Variants in DIP2A observed in about 807,000 individuals in gnomAD.
DIP2A encodes the protein DIP2 acetate--CoA ligase A.
A neutral mutation model predicts 177.4 loss-of-function variants in DIP2A; 85 were observed. That is an observed-to-expected ratio of 0.48 (90% CI 0.40 to 0.57). The LOEUF is 0.57. Among genes scored for constraint, DIP2A ranks in the 20% least tolerant of loss-of-function variants. The pLI, the probability that DIP2A is intolerant of heterozygous loss-of-function variation, is 0.00. For missense variants in DIP2A, 1,791 were observed against 2,100.2 expected, an observed-to-expected ratio of 0.85 and a Z score of 2.88; for synonymous variants, 886 against 881.8, an observed-to-expected ratio of 1.00 and a Z score of -0.08.
intron 34 of DIP2A, among the ~76,000 whole-genome samples, chr21:46,562,638 A>G (rs985172960): frequency 6.6e-6 from 1 of 152,176 alleles, no homozygotes; most frequent in African/African-American, 2.4e-5. Flanking sequence ...GGTGGGAGCT[A>G]CAGGGAGGCC....
At chr21:46,573,645 C>CAAAAAAA (rs201994694), downstream of DIP2A, among the ~76,000 whole-genome samples, 87 of 52,966 alleles carry the variant, frequency 1.6e-3, 7 homozygotes, top group Non-Finnish European at 1.9e-3. Context: ...CCCTCTCTCA[C>CAAAAAAA]AAAAAAAAAA....
chr21:46,565,253 G>T (rs1376949385), intron 35 of DIP2A, among the ~76,000 whole-genome samples: 2 of 152,232 alleles, frequency 1.3e-5, no homozygotes, highest in African/African-American at 2.4e-5. Context: ...CACGCGCGTG[G>T]GGCTGACGTT....
chr21:46,564,053 T>C, intron 35 of DIP2A, 121 bp downstream of exon 35: 1 of 1,200,018 alleles, frequency 8.3e-7, no homozygotes, highest in Admixed American at 2.4e-5. Context: ...CAGAAACCAT[T>C]TGGCCCTTGC....
At chr21:46,506,739 TC>T (rs2058013994) in intron 6 of DIP2A, among the ~76,000 whole-genome samples, 1 of 78,512 alleles carries the variant, frequency 1.3e-5, no homozygotes, top group African/African-American at 3.6e-5. Context: ...TTTCTTTCTT[TC>T]TTTCTTTCTT....
At chr21:46,471,776 C>T (rs1358359305) in intron 1 of DIP2A, among the ~76,000 whole-genome samples, 1 of 152,182 alleles carries the variant, frequency 6.6e-6, no homozygotes, top group African/African-American at 2.4e-5. Context: ...TTCTTGAAGG[C>T]AGCAGCTAAA....
At chr21:46,559,338 C>T (rs2060588170) in intron 32 of DIP2A, among the ~76,000 whole-genome samples, 1 of 152,244 alleles carries the variant, frequency 6.6e-6, no homozygotes, top group Admixed American at 6.5e-5. Flanking sequence ...AAGGAAATGG[C>T]ACCTGTCCGT....
chr21:46,548,633 T>G (rs527430472), intron 21 of DIP2A, among the ~76,000 whole-genome samples: 44 of 152,268 alleles, frequency 2.9e-4, no homozygotes, highest in Non-Finnish European at 5.7e-4. Context: ...GAAAGTCAGA[T>G]TAGGGAACTA....
At position 46,565,726 on chromosome 21, in the gene DIP2A, G is replaced by A. The variant is rs2060816010; in HGVS notation, c.4178G>A (p.Ser1393Asn). 2 of 1,613,102 alleles carry A rather than the reference G, an allele frequency of 1.2e-6. No homozygotes were observed. The highest frequency in any genetic ancestry group is 1.7e-6 in the Non-Finnish European group (2 of 1,179,572). The stretch of plus-strand genomic sequence containing the variant: ...TGGGCCCACCAGATCTGGGTAAGCA[G>A]CCCCCACAATGCCACCGGGTACTAC... ...DSHLGEIWVSSPHNATGYYTV... is the reference protein window; with the variant it reads ...DSHLGEIWVSNPHNATGYYTV... Residue 1393 changes from serine to asparagine, a missense_variant, in exon 36 of 38, where the codon AGC becomes AAC. By Grantham distance (46) the Ser-to-Asn change is conservative. Transcript: ENST00000417564.
chr21:46,506,904 A>T (rs2058043565), intron 6 of DIP2A, among the ~76,000 whole-genome samples: 1 of 147,726 alleles, frequency 6.8e-6, no homozygotes. Flanking sequence ...AGGTTCAAGC[A>T]ATTCTCCTGC....
Position 46,568,010 on chromosome 21 carries a change from C to G in DIP2A, c.*388C>G, listed in dbSNP as rs2060883599. 6.0e-6 allele frequency: 1 copy of G among 167,444 alleles called. No individual in the cohort carries two copies. Among genetic ancestry groups the G allele is most frequent in the East Asian group, 1.7e-4 (1 of 5,914 alleles). 10.4% of individuals were successfully genotyped at this position (167,444 alleles called of 1,614,324 possible). A position where few individuals can be genotyped will look rare whatever the true frequency, so the allele number is the denominator to read the frequency against. On this transcript the variant is annotated 3_prime_UTR_variant, in exon 38 of 38. Transcript: ENST00000417564. ...AAAATTCAGTTATTTATTCCCACTT[C>G]AAATGACAAGTTCATATATAGAATT... is the stretch of plus-strand genomic sequence containing the variant.
At chr21:46,490,814 A>G (rs2056971052) in intron 3 of DIP2A, 95 bp downstream of exon 3, 1 of 1,391,482 alleles carries the variant, frequency 7.2e-7, no homozygotes, top group South Asian at 1.5e-5. Context: ...CTTTGCCACA[A>G]TATCTGCCAA....
rs1182008443 is a variant in DIP2A at position 46,567,778 on chromosome 21, C to T, written c.*156C>T. The T allele has an allele frequency of 4.8e-6, 4 of 825,526 alleles. No homozygotes were observed. Among genetic ancestry groups the T allele is most frequent in the Admixed American group, 3.4e-5 (1 of 29,484 alleles). The allele number at this position is 825,526 out of a possible 1,614,324, so 51.1% of individuals were successfully genotyped here. On this transcript the variant is annotated 3_prime_UTR_variant, in exon 38 of 38. Transcript: ENST00000417564. ...TCCCCGCATCTCCTTTTAGAAAGCACTTCCTGAATTATTTAAAGAAATATT... is the reference window on the plus strand; with the variant it reads ...TCCCCGCATCTCCTTTTAGAAAGCATTTCCTGAATTATTTAAAGAAATATT...
chr21:46,573,645 C>CAAAAAAAAAAAAGAAAAAAAAAAA (rs2060979514), downstream of DIP2A, among the ~76,000 whole-genome samples: 1 of 52,960 alleles, frequency 1.9e-5, no homozygotes. Context: ...CCCTCTCTCA[C>CAAAAAAAAAAAAGAAAAAAAAAAA]AAAAAAAAAA....
At chr21:46,581,672 T>C in the DIP2A span, among the ~76,000 whole-genome samples, 1 of 152,164 alleles carries the variant, frequency 6.6e-6, no homozygotes, top group Non-Finnish European at 1.5e-5. Flanking sequence ...GCTTTCTTTC[T>C]TTTAACAGCT....
chr21:46,549,869 T>C lies in DIP2A; in HGVS notation c.2621T>C (p.Met874Thr), dbSNP rs2060206303. 2 of 1,611,920 alleles carry C rather than the reference T, an allele frequency of 1.2e-6. No individual in the cohort carries two copies. Among genetic ancestry groups the C allele is most frequent in the Admixed American group, 1.7e-5 (1 of 60,030 alleles). Reference sequence around the variant, plus strand: ...TCGGAGGAGGACAGCTTCCAGTGGATGAGCCGTGTGCTGCAGGTGGGCGCC... The same window carrying C: ...TCGGAGGAGGACAGCTTCCAGTGGACGAGCCGTGTGCTGCAGGTGGGCGCC... ...DASEEDSFQW[M>T]SRVLQAIDSI... is the part of the protein sequence containing the mutation. The change falls in exon 22 of 38, where the codon ATG (methionine) becomes ACG (threonine). Residue 874 changes from methionine (M) to threonine (T), a missense_variant. Physicochemically the swap from Met to Thr is moderately conservative, Grantham distance 81. Transcript: ENST00000417564.
chr21:46,502,722 A>G (rs1368604782), intron 5 of DIP2A, among the ~76,000 whole-genome samples: 1 of 152,108 alleles, frequency 6.6e-6, no homozygotes, highest in Non-Finnish European at 1.5e-5. Context: ...TGCTGGGATT[A>G]CAGGTGTGAG....
chr21:46,576,896 T>C, the DIP2A span, among the ~76,000 whole-genome samples: 1 of 152,264 alleles, frequency 6.6e-6, no homozygotes, highest in Non-Finnish European at 1.5e-5. Context: ...TGAGCTTTTT[T>C]TCATATATTT....
rs190967585 is a variant in DIP2A at position 46,556,409 on chromosome 21, C to T, written c.3498+318C>T. On this transcript the variant is annotated intron_variant, in intron 29 of 37. Transcript: ENST00000417564. This position sits in a 1 kb window ranked among gnomAD's most constrained non-coding sequence, Gnocchi z 4.5. ...CTCAATTAAAATTTTTCAGGCGGGG[C>T]GTGGTGGCTCACGCCTGTAATCCCA... The T allele has an allele frequency of 1.0e-3, 1,380 of 1,337,478 alleles. 3 individuals are homozygous for T. Among genetic ancestry groups the T allele is most frequent in the Non-Finnish European group, 1.2e-3 (1,233 of 1,010,664 alleles). 82.9% of individuals were successfully genotyped at this position (1,337,478 alleles called of 1,614,324 possible). A position where few individuals can be genotyped will look rare whatever the true frequency, so the allele number is the denominator to read the frequency against.
At position 46,535,592 on chromosome 21, in the gene DIP2A, AAAG is replaced by A. The variant is rs535890758; in HGVS notation, c.1642+908_1642+910del. On this transcript the variant is annotated intron_variant, in intron 13 of 37. Coordinates refer to ENST00000417564, the MANE Select transcript of DIP2A (RefSeq NM_015151.4). The stretch of plus-strand genomic sequence containing the variant: ...AGAAATTTTAAATAGAATTTTTAAA[AAAG>A]AAAAAAATATAGGTGTTTAAAAGCA... Among the ~76,000 whole-genome samples the A allele has an allele frequency of 6.6e-5, 10 of 152,350 alleles. No homozygotes were observed. In the East Asian group the frequency reaches 1.9e-3, roughly 29 times the overall value.
Sources: allele counts gnomAD v4.1 joint callset (sites outside exome capture counted in the v4.1 genomes callset), GRCh38; gene constraint gnomAD v4.1.1; non-coding constraint Gnocchi (gnomAD v3.1); transcripts MANE v1.5; gene names NCBI Gene and HGNC (gene_info 2026-07-23, HGNC 2026-07-21).